The following DMD variants were observed in gnomAD, a reference collection of about 807,000 sequenced individuals.
DMD encodes mutant dystrophin.
A neutral mutation model predicts 330.1 loss-of-function variants in DMD; 63 were observed. The ratio of observed to expected loss-of-function variants is 0.19; its 90% CI spans 0.16 to 0.24. The LOEUF (loss-of-function observed/expected upper bound fraction) is 0.24, where lower values mean the gene tolerates loss of function less well. DMD is among the 10% of genes least tolerant of loss of function. The pLI is 1.00. For synonymous variants in DMD, 1,223 were observed against 959.8 expected (o/e 1.27, Z -5.07); for missense variants, 3,344 against 2,684.1 (o/e 1.25, Z -5.43).
chrX:32,052,149 G>A (rs1444145597), intron 44 of DMD, among the ~76,000 whole-genome samples: 1 of 111,570 alleles, frequency 9.0e-6, no homozygotes, highest in African/African-American at 3.3e-5. Flanking sequence ...TCTAGGCATA[G>A]AACCTGAGTA....
At chrX:31,254,542 A>C (rs1217612034) in intron 63 of DMD, among the ~76,000 whole-genome samples, 1 of 110,285 alleles carries the variant, frequency 9.1e-6, no homozygotes, top group Non-Finnish European at 1.9e-5. Context: ...TTTTTTGTAG[A>C]GATGGGGAGA....
chrX:31,476,505 CAT>C (rs201882099), intron 59 of DMD, among the ~76,000 whole-genome samples: 19,171 of 101,602 alleles, frequency 0.19, 1,839 homozygotes, highest in African/African-American at 0.34. Context: ...TATGCCATCA[CAT>C]ATATATATAT....
chrX:31,616,910 GA>G (rs1000837403), intron 55 of DMD, among the ~76,000 whole-genome samples: 4 of 111,558 alleles, frequency 3.6e-5, no homozygotes, highest in Non-Finnish European at 7.5e-5. Context: ...GGGAGATTTA[GA>G]AATGACTATA....
intron 57 of DMD, among the ~76,000 whole-genome samples, chrX:31,482,826 C>A (rs1189372492): frequency 9.0e-6 from 1 of 110,947 alleles, no homozygotes; most frequent in African/African-American, 3.3e-5. Flanking sequence ...GAGTGAAAGA[C>A]GGAAGCTAGC....
At chrX:32,290,494 G>A (rs1295926356) in intron 42 of DMD, among the ~76,000 whole-genome samples, 7 of 112,010 alleles carry the variant, frequency 6.2e-5, no homozygotes, top group Non-Finnish European at 1.1e-4. Context: ...AATCCATAAT[G>A]TTTTGTTTAT....
At chrX:31,825,153 G>A (rs2149445438) in intron 49 of DMD, among the ~76,000 whole-genome samples, 1 of 111,595 alleles carries the variant, frequency 9.0e-6, no homozygotes, top group Admixed American at 9.6e-5. Context: ...TGGTTTCCCT[G>A]TGAAGTTTCT....
intron 2 of DMD, among the ~76,000 whole-genome samples, chrX:32,991,561 A>G (rs1338389743): frequency 1.8e-5 from 2 of 112,426 alleles, no homozygotes; most frequent in Non-Finnish European, 3.8e-5. Flanking sequence ...TTTAAATTCA[A>G]AATAATTTTT....
chrX:32,917,132 G>A (rs2146527331), intron 2 of DMD, among the ~76,000 whole-genome samples: 1 of 107,286 alleles, frequency 9.3e-6, no homozygotes, highest in East Asian at 3.0e-4. Flanking sequence ...GTTCTCACGA[G>A]ATCTGATGGT....
intron 44 of DMD, among the ~76,000 whole-genome samples, chrX:32,213,401 C>G (rs958475597): frequency 8.9e-6 from 1 of 112,424 alleles, no homozygotes; most frequent in East Asian, 2.8e-4. Context: ...TGATTTTACC[C>G]ATTTTACGAT....
At chrX:32,379,679 G>A (rs1470382075) in intron 34 of DMD, among the ~76,000 whole-genome samples, 1 of 111,247 alleles carries the variant, frequency 9.0e-6, no homozygotes, top group Non-Finnish European at 1.9e-5. Flanking sequence ...TCATTTATAC[G>A]ATTGTAAGTT....
chrX:31,188,312 C>G (rs1393582456), intron 67 of DMD, among the ~76,000 whole-genome samples: 1 of 111,861 alleles, frequency 8.9e-6, no homozygotes, highest in African/African-American at 3.3e-5. Flanking sequence ...CCTAACAGAA[C>G]TAGAATTAAA....
At chrX:32,778,794 T>C (rs971285390) in intron 7 of DMD, among the ~76,000 whole-genome samples, 2 of 111,434 alleles carry the variant, frequency 1.8e-5, no homozygotes, top group African/African-American at 6.5e-5. Flanking sequence ...CTACATAGTG[T>C]GCACTCAGGT....
intron 17 of DMD, among the ~76,000 whole-genome samples, chrX:32,540,011 C>A (rs2048348543): frequency 8.9e-6 from 1 of 111,746 alleles, no homozygotes; most frequent in Non-Finnish European, 1.9e-5. Context: ...GGGAAATTAT[C>A]TTTATTAAGA....
intron 1 of DMD, among the ~76,000 whole-genome samples, chrX:33,304,497 T>C (rs1186709508): frequency 9.0e-6 from 1 of 110,622 alleles, no homozygotes; most frequent in Non-Finnish European, 1.9e-5. Context: ...ATTCAGGACA[T>C]AGGCATAGGC....
At chrX:32,085,587 C>T (rs868117463) in intron 44 of DMD, among the ~76,000 whole-genome samples, 3 of 91,608 alleles carry the variant, frequency 3.3e-5, no homozygotes, top group Admixed American at 1.3e-4. Context: ...TATACACACA[C>T]ACATATATGT....
chrX:32,743,599 A>G (rs1015421054), intron 7 of DMD, among the ~76,000 whole-genome samples: 1 of 111,429 alleles, frequency 9.0e-6, no homozygotes, highest in African/African-American at 3.3e-5. Context: ...ACAGTTTCCA[A>G]TAATTTCTGA....
intron 73 of DMD, among the ~76,000 whole-genome samples, chrX:31,171,935 C>T (rs1053055412): frequency 9.0e-6 from 1 of 111,670 alleles, no homozygotes; most frequent in Admixed American, 9.5e-5. Flanking sequence ...ATGTGAATAG[C>T]CATGCTATAC....
At chrX:31,569,037 T>C (rs1022555440) in intron 55 of DMD, among the ~76,000 whole-genome samples, 3 of 111,581 alleles carry the variant, frequency 2.7e-5, no homozygotes, top group African/African-American at 6.5e-5. Flanking sequence ...CTTAGGTATG[T>C]CTTCTTTTAA....
intron 2 of DMD, among the ~76,000 whole-genome samples, chrX:32,935,591 C>CT (rs1361886745): frequency 1.1e-4 from 12 of 111,918 alleles, no homozygotes; most frequent in Non-Finnish European, 2.3e-4. Flanking sequence ...CCTTCCCTCC[C>CT]TCTCTGGCAC....
Sources: allele counts gnomAD v4.1 joint callset (sites outside exome capture counted in the v4.1 genomes callset), GRCh38; gene constraint gnomAD v4.1.1; transcripts MANE v1.5; gene names NCBI Gene and HGNC (gene_info 2026-07-23, HGNC 2026-07-21).